Variants in NTRK2 observed in about 807,000 individuals in gnomAD.
NTRK2 encodes neurotrophic receptor tyrosine kinase 2.
Under a neutral mutation model 94.5 loss-of-function variants are expected in NTRK2, and 13 were observed. The ratio of observed to expected loss-of-function variants is 0.14; its 90% CI spans 0.09 to 0.22. NTRK2 has a LOEUF of 0.22. NTRK2 is among the 10% of genes least tolerant of loss of function. NTRK2 has a pLI of 1.00. For synonymous variants in NTRK2, 372 were observed against 407.4 expected (o/e 0.91, Z 1.05); for missense variants, 639 against 1,071.2 (o/e 0.60, Z 5.63).
intron 2 of NTRK2, among the ~76,000 whole-genome samples, chr9:84,697,549 T>G (rs2060461142): frequency 6.6e-6 from 1 of 152,226 alleles, no homozygotes; most frequent in Admixed American, 6.5e-5. Flanking sequence ...GGAGTGGTTT[T>G]CTGGGAAAGA....
rs746097417 is a variant in NTRK2, at chr9:85,020,302, G to A, written c.2269G>A (p.Val757Ile). 1 of 1,614,146 alleles carries A rather than the reference G, an allele frequency of 6.2e-7. No homozygotes were observed. The highest frequency in any genetic ancestry group is 1.7e-5 in the Admixed American group (1 of 60,024). ...GGAAAGCGACGTCTGGAGCCTGGGG[G>A]TCGTGTTGTGGGAGATTTTCACCTA... is the stretch of plus-strand genomic sequence containing the variant. ...TTESDVWSLG[V>I]VLWEIFTYGK... is the part of the protein sequence containing the mutation. The change falls in exon 18 of 19, where the codon GTC becomes ATC. Residue 757 changes from valine to isoleucine, a missense_variant. Physicochemically the swap from Val to Ile is conservative, Grantham distance 29. This residue lies in a region of NTRK2 where 77 missense variants were observed against 203.6 expected (regional missense o/e 0.38). Transcript: ENST00000277120.
Position 84,706,537 on chromosome 9 carries a change from T to G in NTRK2, c.360-1307T>G, listed in dbSNP as rs867812662. Among the ~76,000 whole-genome samples the G allele has an allele frequency of 5.7e-3, 747 of 130,948 alleles. 23 individuals carry two copies. Among genetic ancestry groups the G allele is most frequent in the African/African-American group, 0.02 (715 of 35,904 alleles). The allele number at this position is 130,948 out of a possible 152,430, so 85.9% of individuals were successfully genotyped here. A position where few individuals can be genotyped will look rare whatever the true frequency, so the allele number is the denominator to read the frequency against. ...TTATTTTTTGTTTTTGTTTTTTTTTTTTTTTTTTTTGAGACGGAGTCTTGC... is the reference window on the plus strand; with the variant it reads ...TTATTTTTTGTTTTTGTTTTTTTTTGTTTTTTTTTTGAGACGGAGTCTTGC... On this transcript the variant is annotated intron_variant, in intron 4 of 18. Transcript: ENST00000277120.
intron 12 of NTRK2, chr9:84,812,568 A>G: frequency 9.6e-7 from 1 of 1,046,266 alleles, no homozygotes; most frequent in Non-Finnish European, 1.2e-6. Flanking sequence ...AGGCCAGCTA[A>G]TAGCAGAAAT....
chr9:84,814,752 A>T, intron 12 of NTRK2: 1 of 1,064,368 alleles, frequency 9.4e-7, no homozygotes, highest in Non-Finnish European at 1.1e-6. Context: ...GACTGAGGAC[A>T]AGCAATTCCA....
chr9:84,680,822 C>T (rs1381164079), intron 2 of NTRK2, among the ~76,000 whole-genome samples: 2 of 152,218 alleles, frequency 1.3e-5, no homozygotes, highest in Non-Finnish European at 2.9e-5. Context: ...CAGAAGCCTT[C>T]ATGGGCCATA....
intron 16 of NTRK2, among the ~76,000 whole-genome samples, chr9:84,954,042 C>T (rs1353484290): frequency 6.6e-6 from 1 of 152,228 alleles, no homozygotes; most frequent in Non-Finnish European, 1.5e-5. Context: ...CATGTGTTCT[C>T]AGACAATTCT....
At chr9:85,009,571 G>A (rs955200108) in intron 17 of NTRK2, among the ~76,000 whole-genome samples, 1 of 152,124 alleles carries the variant, frequency 6.6e-6, no homozygotes, top group Non-Finnish European at 1.5e-5. Flanking sequence ...ATCTAAAGAG[G>A]AATAAGGAAA....
chr9:84,952,748 C>CA (rs1338332979), intron 16 of NTRK2, among the ~76,000 whole-genome samples: 1 of 152,134 alleles, frequency 6.6e-6, no homozygotes, highest in Non-Finnish European at 1.5e-5. Flanking sequence ...GAGTCTCCCC[C>CA]AACCCACACA....
chr9:85,010,790 A>G (rs1831476758), intron 17 of NTRK2, among the ~76,000 whole-genome samples: 1 of 152,232 alleles, frequency 6.6e-6, no homozygotes, highest in Admixed American at 6.5e-5. Flanking sequence ...CTGTACTGAG[A>G]GAAGATTTAC....
At chr9:84,999,441 A>G (rs1022156899) in intron 17 of NTRK2, among the ~76,000 whole-genome samples, 4 of 152,206 alleles carry the variant, frequency 2.6e-5, no homozygotes, top group Non-Finnish European at 5.9e-5. Flanking sequence ...GGCACAAATT[A>G]TTATAATTAA....
intron 17 of NTRK2, among the ~76,000 whole-genome samples, chr9:84,972,204 G>C (rs1358447957): frequency 6.6e-6 from 1 of 152,180 alleles, no homozygotes; most frequent in Non-Finnish European, 1.5e-5. Flanking sequence ...GATGAGGATA[G>C]AGGTTCTAGA....
intron 14 of NTRK2, among the ~76,000 whole-genome samples, chr9:84,906,338 G>A (rs1190278857): frequency 1.3e-5 from 2 of 152,172 alleles, no homozygotes; most frequent in East Asian, 3.9e-4. Context: ...GGCAGGCAAT[G>A]GGATCCAATG....
At chr9:84,984,267 G>A (rs1421395824) in intron 17 of NTRK2, among the ~76,000 whole-genome samples, 1 of 152,092 alleles carries the variant, frequency 6.6e-6, no homozygotes, top group Non-Finnish European at 1.5e-5. Flanking sequence ...GAGGTCAGGA[G>A]TTCGAGGGCA....
chr9:84,715,998 G>C (rs1453864536), intron 6 of NTRK2, among the ~76,000 whole-genome samples: 1 of 152,102 alleles, frequency 6.6e-6, no homozygotes, highest in African/African-American at 2.4e-5. Context: ...GTCTTAAGTT[G>C]ATGGCAAATA....
chr9:84,811,445 A>G, intron 12 of NTRK2: 2 of 1,065,948 alleles, frequency 1.9e-6, no homozygotes, highest in Non-Finnish European at 2.3e-6. Context: ...TGAAATTATA[A>G]CCTTGCCCTT....
At chr9:84,767,212 T>A (rs2066119526) in intron 12 of NTRK2, among the ~76,000 whole-genome samples, 1 of 152,212 alleles carries the variant, frequency 6.6e-6, no homozygotes, top group Non-Finnish European at 1.5e-5. Flanking sequence ...CTTCTTGAGA[T>A]CTTAGTTGCT....
chr9:84,801,423 A>C (rs1428316592), intron 12 of NTRK2, among the ~76,000 whole-genome samples: 1 of 152,218 alleles, frequency 6.6e-6, no homozygotes, highest in Non-Finnish European at 1.5e-5. Context: ...TCCCTGACTT[A>C]GGATGGTTCA....
intron 9 of NTRK2, among the ~76,000 whole-genome samples, chr9:84,739,994 G>C (rs77760894): frequency 3.3e-5 from 5 of 152,204 alleles, no homozygotes; most frequent in African/African-American, 1.2e-4. Context: ...TGGAAGGCTG[G>C]ATTTGAAGTT....
chr9:84,740,582 G>A (rs189053832), intron 9 of NTRK2, among the ~76,000 whole-genome samples: 11 of 152,348 alleles, frequency 7.2e-5, no homozygotes, highest in Admixed American at 6.5e-4. Context: ...TGACTGCAGA[G>A]GTGCGCAGGG....
Sources: allele counts gnomAD v4.1 joint callset (sites outside exome capture counted in the v4.1 genomes callset), GRCh38; gene constraint gnomAD v4.1.1; regional missense constraint gnomAD v4.1.1; transcripts MANE v1.5; gene names NCBI Gene and HGNC (gene_info 2026-07-23, HGNC 2026-07-21).